Variants in FER observed in about 807,000 individuals in gnomAD.
FER encodes tyrosine-protein kinase Fer.
Under a neutral mutation model 111.0 loss-of-function variants are expected in FER, and 63 were observed. The observed-to-expected ratio is 0.57, with a 90% confidence interval of 0.46 to 0.70. The LOEUF is 0.70. FER is among the 30% of genes least tolerant of loss of function. The pLI is 0.00. For synonymous variants in FER, 327 were observed against 313.9 expected, an observed-to-expected ratio of 1.04 and a Z score of -0.44; for missense variants, 914 against 954.0, an observed-to-expected ratio of 0.96 and a Z score of 0.55.
Position 109,187,502 on chromosome 5 carries a change from A to T in FER, c.2396A>T (p.Tyr799Phe). The part of the protein sequence containing the change: ...ISKIMMKCWD[Y>F]KPENRPKFSE... ...AAAATCATGATGAAGTGTTGGGATT[A>T]TAAACCTGAAAATCGCCCTAAGTTC... The change falls in exon 20 of 20, where the codon TAT (tyrosine) becomes TTT (phenylalanine). Residue 799 changes from tyrosine to phenylalanine, a missense_variant. By Grantham distance (22) the Tyr-to-Phe change is conservative. Transcript: ENST00000281092. 1 of 1,614,122 alleles carries T rather than the reference A, an allele frequency of 6.2e-7. No individual in the cohort carries two copies. The highest frequency in any genetic ancestry group is 8.5e-7 in the Non-Finnish European group (1 of 1,179,996).
intron 16 of FER, among the ~76,000 whole-genome samples, chr5:109,089,086 A>G (rs1581977009): frequency 6.6e-6 from 1 of 152,330 alleles, no homozygotes; most frequent in Middle Eastern, 3.4e-3. Context: ...ATAGGGAGAC[A>G]GTCAGACTTT....
At chr5:108,983,302 T>A (rs1189482863) in intron 13 of FER, among the ~76,000 whole-genome samples, 2 of 152,100 alleles carry the variant, frequency 1.3e-5, no homozygotes, top group African/African-American at 4.8e-5. Flanking sequence ...ACTTAGACCA[T>A]AATTTAACAC....
At chr5:108,764,727 T>A (rs1364595513) in intron 1 of FER, among the ~76,000 whole-genome samples, 1 of 152,212 alleles carries the variant, frequency 6.6e-6, no homozygotes, top group African/African-American at 2.4e-5. Flanking sequence ...GGTTGTAAAA[T>A]TATACTTAAA....
chr5:109,039,499 C>T (rs1016827036), intron 14 of FER, among the ~76,000 whole-genome samples: 2 of 152,084 alleles, frequency 1.3e-5, no homozygotes, highest in Admixed American at 6.6e-5. Context: ...GTGCTAAGTC[C>T]TGTGAACAAT....
intron 8 of FER, among the ~76,000 whole-genome samples, chr5:108,879,701 A>AAAAAAAATAT: frequency 1.0e-5 from 1 of 99,126 alleles, no homozygotes; most frequent in African/African-American, 4.8e-5. Context: ...ATTAAAAAAA[A>AAAAAAAATAT]ATATATATAT....
intron 10 of FER, among the ~76,000 whole-genome samples, chr5:108,926,425 C>T (rs1753751765): frequency 6.6e-6 from 1 of 151,930 alleles, no homozygotes; most frequent in South Asian, 2.1e-4. Flanking sequence ...TATGTAAATT[C>T]TGTTCAGAGT....
intron 13 of FER, among the ~76,000 whole-genome samples, chr5:109,018,937 G>A (rs1479138839): frequency 6.6e-6 from 1 of 151,526 alleles, no homozygotes; most frequent in African/African-American, 2.4e-5. Context: ...TGAGCCATAT[G>A]ACTTTGAGAA....
At chr5:109,138,127 A>T (rs1382292879) in intron 17 of FER, among the ~76,000 whole-genome samples, 2 of 152,218 alleles carry the variant, frequency 1.3e-5, no homozygotes, top group Non-Finnish European at 2.9e-5. Flanking sequence ...CAAAGCATGT[A>T]CAGGAAAAGG....
chr5:108,859,749 G>C (rs1313582033), intron 5 of FER, among the ~76,000 whole-genome samples: 1 of 151,944 alleles, frequency 6.6e-6, no homozygotes, highest in Non-Finnish European at 1.5e-5. Flanking sequence ...ATTACACAGA[G>C]TTTGAGAACT....
intron 10 of FER, among the ~76,000 whole-genome samples, chr5:108,922,108 G>A (rs937924159): frequency 6.6e-6 from 1 of 152,158 alleles, no homozygotes; most frequent in Non-Finnish European, 1.5e-5. Context: ...ACAAGCAAAG[G>A]AATGCCTGGG....
At chr5:109,066,390 T>C (rs1045991772) in intron 16 of FER, among the ~76,000 whole-genome samples, 1 of 152,170 alleles carries the variant, frequency 6.6e-6, no homozygotes, top group Non-Finnish European at 1.5e-5. Context: ...TTTTTTAAAA[T>C]AAAAGATTTT....
rs79836755 is a variant in FER at position 109,051,547 on chromosome 5, G to A, written c.1924+4349G>A. 5.8e-4 allele frequency: 932 copies of A among 1,611,042 alleles called. 4 individuals carry two copies. The African/African-American group carries it at 0.011, about 19-fold the overall frequency. On this transcript the variant is annotated intron_variant, in intron 16 of 19. Coordinates refer to ENST00000281092, the MANE Select transcript of FER (RefSeq NM_005246.4). Reference sequence around the variant, plus strand: ...GTAATTAGCCCAGTTTTGCTCACTTGCTTGCTTGTCGTAATTGCGGCAAGA... The same window carrying A: ...GTAATTAGCCCAGTTTTGCTCACTTACTTGCTTGTCGTAATTGCGGCAAGA...
chr5:109,103,629 C>A (rs1042270194), intron 17 of FER, among the ~76,000 whole-genome samples: 3 of 152,128 alleles, frequency 2.0e-5, no homozygotes, highest in Admixed American at 2.0e-4. Flanking sequence ...TTTTAATCAA[C>A]GGCATTTTAT....
At chr5:109,101,804 C>T (rs988634869) in intron 17 of FER, among the ~76,000 whole-genome samples, 1 of 152,028 alleles carries the variant, frequency 6.6e-6, no homozygotes, top group African/African-American at 2.4e-5. Context: ...TTAAAATTAA[C>T]CATAAAGGTT....
At chr5:109,034,060 T>C (rs956016304) in intron 13 of FER, among the ~76,000 whole-genome samples, 4 of 152,160 alleles carry the variant, frequency 2.6e-5, no homozygotes, top group Non-Finnish European at 5.9e-5. Flanking sequence ...ATGGTCACTT[T>C]GCTGTGCAAT....
intron 17 of FER, among the ~76,000 whole-genome samples, chr5:109,120,920 C>A (rs768788390): frequency 1.3e-5 from 2 of 152,020 alleles, no homozygotes; most frequent in Non-Finnish European, 2.9e-5. Flanking sequence ...TATGGAAATG[C>A]TACTAATTTG....
intron 17 of FER, among the ~76,000 whole-genome samples, chr5:109,179,281 C>T (rs561346966): frequency 6.6e-6 from 1 of 152,124 alleles, no homozygotes; most frequent in African/African-American, 2.4e-5. Flanking sequence ...CTTGCTTTGA[C>T]CTCAATAGAA....
intron 17 of FER, among the ~76,000 whole-genome samples, chr5:109,177,199 T>C (rs951685813): frequency 4.6e-5 from 7 of 152,186 alleles, no homozygotes; most frequent in African/African-American, 1.7e-4. Flanking sequence ...CAGCTAACTA[T>C]ATAAATACAT....
intron 17 of FER, among the ~76,000 whole-genome samples, chr5:109,143,287 A>G (rs1434185564): frequency 6.6e-6 from 1 of 152,150 alleles, no homozygotes; most frequent in East Asian, 1.9e-4. Flanking sequence ...TGTATGCCAT[A>G]AAGTCCTTGA....
Sources: allele counts gnomAD v4.1 joint callset (sites outside exome capture counted in the v4.1 genomes callset), GRCh38; gene constraint gnomAD v4.1.1; transcripts MANE v1.5; gene names NCBI Gene and HGNC (gene_info 2026-07-23, HGNC 2026-07-21).